LMAN2L: variants seen among roughly 807,000 people sequenced by gnomAD.
The protein encoded by LMAN2L is VIP36-like protein.
A neutral mutation model predicts 44.3 loss-of-function variants in LMAN2L; 30 were observed. The observed-to-expected ratio is 0.68, with a 90% CI of 0.51 to 0.92. The LOEUF is 0.92. LMAN2L is among the 40% of genes least tolerant of loss of function. The pLI, the probability that LMAN2L is intolerant of heterozygous loss-of-function variation, is 0.00. For synonymous variants in LMAN2L, 183 were observed against 171.1 expected (o/e 1.07, Z -0.54); for missense variants, 429 against 446.1 (o/e 0.96, Z 0.35).
intron 4 of LMAN2L, among the ~76,000 whole-genome samples, chr2:96,725,850 A>C (rs1383603939): frequency 1.3e-5 from 2 of 151,864 alleles, no homozygotes; most frequent in African/African-American, 4.8e-5. Flanking sequence ...AATAAACCTG[A>C]TTTGCCAGGC....
At chr2:96,724,638 AC>A (rs2078229273) in intron 4 of LMAN2L, among the ~76,000 whole-genome samples, 2 of 151,720 alleles carry the variant, frequency 1.3e-5, no homozygotes, top group African/African-American at 4.8e-5. Flanking sequence ...AGCATGCATC[AC>A]CCACCACACC....
intron 4 of LMAN2L, among the ~76,000 whole-genome samples, chr2:96,713,549 T>C (rs2153322697): frequency 6.6e-6 from 1 of 152,280 alleles, no homozygotes; most frequent in East Asian, 1.9e-4. Flanking sequence ...CCCAGCCTAC[T>C]GTATTTCTAT....
intron 4 of LMAN2L, among the ~76,000 whole-genome samples, chr2:96,724,119 A>G (rs1376643561): frequency 6.6e-6 from 1 of 152,040 alleles, no homozygotes; most frequent in African/African-American, 2.4e-5. Context: ...AAGAAAGAAA[A>G]AGAAAATTAA....
intron 4 of LMAN2L, among the ~76,000 whole-genome samples, chr2:96,732,932 A>T (rs76204166): frequency 2.0e-5 from 3 of 151,906 alleles, no homozygotes; most frequent in Admixed American, 2.0e-4. Flanking sequence ...TATATTTAGT[A>T]GAGACGGGGT....
At chr2:96,736,430 A>C (rs2078516582) in intron 2 of LMAN2L, among the ~76,000 whole-genome samples, 1 of 152,202 alleles carries the variant, frequency 6.6e-6, no homozygotes, top group African/African-American at 2.4e-5. Context: ...CAGCGAATAC[A>C]GGTATCAGAA....
Position 96,739,839 on chromosome 2 carries a change from C to T in LMAN2L, c.187+15G>A. 2 of 1,612,448 alleles carry T rather than the reference C, an allele frequency of 1.2e-6. No individual in the cohort carries two copies. Among genetic ancestry groups the T allele is most frequent in the Non-Finnish European group, 1.7e-6 (2 of 1,179,820 alleles). On this transcript the variant is annotated intron_variant, in intron 1 of 7. Transcript: ENST00000264963. Reference sequence around the variant, plus strand: ...CCCGCCCCACTGCACGACCACCTCACCCTGGGCGCCTCACCCTGGTAGGGC... The same window carrying T: ...CCCGCCCCACTGCACGACCACCTCATCCTGGGCGCCTCACCCTGGTAGGGC...
intron 2 of LMAN2L, 46 bp from the exon 3 acceptor site, chr2:96,734,572 A>G (rs746681529): frequency 8.3e-7 from 1 of 1,209,548 alleles, no homozygotes; most frequent in East Asian, 2.3e-5. Context: ...ATGAAATGCA[A>G]AACCCCTCAA....
chr2:96,732,860 T>G (rs2153335189), intron 4 of LMAN2L, among the ~76,000 whole-genome samples: 1 of 151,418 alleles, frequency 6.6e-6, no homozygotes, highest in Non-Finnish European at 1.5e-5. Flanking sequence ...GTGATTCTCT[T>G]GCCTCAGCCT....
chr2:96,707,928 T>A (rs1348081882), intron 6 of LMAN2L, 95 bp from the exon 7 acceptor site: 1 of 1,267,048 alleles, frequency 7.9e-7, no homozygotes, highest in African/African-American at 1.5e-5. Flanking sequence ...GATCCACAGC[T>A]AACCAGCAGT....
intron 2 of LMAN2L, among the ~76,000 whole-genome samples, chr2:96,735,893 A>G (rs1265901323): frequency 1.3e-5 from 2 of 150,516 alleles, no homozygotes; most frequent in Non-Finnish European, 3.0e-5. Flanking sequence ...CACGCCAGTA[A>G]TCAAAGCATT....
chr2:96,733,536 C>G lies in LMAN2L; in HGVS notation c.490G>C (p.Glu164Gln), dbSNP rs1373535990. 6.2e-7 allele frequency: 1 copy of G among 1,613,962 alleles called. No homozygotes were observed. Among genetic ancestry groups the G allele is most frequent in the Non-Finnish European group, 8.5e-7 (1 of 1,179,856 alleles). ...GCCATTACCTCTTGCTGCTTCTCCT[C>G]ATTGGGGTAGGTGTCTACAAATACT... The part of the protein sequence containing the change: ...LGVFVDTYPN[E>Q]EKQQERVFPY... The change falls in exon 4 of 8, where the codon GAG becomes CAG. Residue 164 changes from glutamate to glutamine, a missense_variant. Glu to Gln is a conservative substitution (Grantham distance 29, BLOSUM62 2). Transcript: ENST00000264963.
At chr2:96,729,569 C>T (rs2153332614) in intron 4 of LMAN2L, among the ~76,000 whole-genome samples, 2 of 151,640 alleles carry the variant, frequency 1.3e-5, no homozygotes, top group South Asian at 4.2e-4. Flanking sequence ...AGTGCAAGGG[C>T]ATGATCTTGG....
chr2:96,717,600 G>A (rs1374953391), intron 4 of LMAN2L, among the ~76,000 whole-genome samples: 1 of 151,350 alleles, frequency 6.6e-6, no homozygotes, highest in African/African-American at 2.4e-5. Context: ...AGCACTTTGT[G>A]AGGCCGAGGC....
intron 4 of LMAN2L, among the ~76,000 whole-genome samples, chr2:96,721,153 C>A (rs1251834052): frequency 6.6e-6 from 1 of 152,052 alleles, no homozygotes; most frequent in African/African-American, 2.4e-5. Flanking sequence ...TACCCCAGCC[C>A]TAGACAACCA....
chr2:96,732,008 T>C (rs921041590), intron 4 of LMAN2L, among the ~76,000 whole-genome samples: 2 of 151,872 alleles, frequency 1.3e-5, no homozygotes, highest in African/African-American at 4.8e-5. Flanking sequence ...CTAATACTAA[T>C]AAAAATACTA....
At chr2:96,722,545 T>C (rs568910638) in intron 4 of LMAN2L, among the ~76,000 whole-genome samples, 2 of 152,288 alleles carry the variant, frequency 1.3e-5, no homozygotes, top group South Asian at 2.1e-4. Context: ...CAGGCAGTAA[T>C]GAGAGCAATG....
intron 4 of LMAN2L, 46 bp from the exon 5 acceptor site, chr2:96,712,071 G>GTT (rs1486613691): frequency 6.3e-7 from 1 of 1,591,110 alleles, no homozygotes. Context: ...AGAGCACATA[G>GTT]GAACGCCTGT....
intron 2 of LMAN2L, among the ~76,000 whole-genome samples, chr2:96,735,928 T>C (rs2078505981): frequency 6.6e-6 from 1 of 151,270 alleles, no homozygotes; most frequent in Non-Finnish European, 1.5e-5. Context: ...TGGAGGATCA[T>C]TTGAGCCCAG....
intron 4 of LMAN2L, among the ~76,000 whole-genome samples, chr2:96,715,681 A>G (rs938531952): frequency 6.6e-6 from 1 of 152,246 alleles, no homozygotes; most frequent in Admixed American, 6.5e-5. Context: ...CTACAAGACT[A>G]CTTTTAAAAA....
Sources: gnomAD v4.1 joint callset for allele counts (sites outside exome capture counted in the v4.1 genomes callset) on GRCh38, gnomAD v4.1.1 for gene constraint, MANE v1.5 for transcripts, NCBI Gene and HGNC (gene_info 2026-07-23, HGNC 2026-07-21) for gene names.